Variants in CCBE1 observed in about 807,000 individuals in gnomAD.
CCBE1 encodes collagen and calcium binding EGF domains 1, also known as collagen and calcium-binding EGF domain-containing protein 1.
Under a neutral mutation model 50.0 loss-of-function variants are expected in CCBE1, and 37 were observed. The observed-to-expected ratio is 0.74, with a 90% CI of 0.57 to 0.97. CCBE1 has a LOEUF of 0.97. Among genes scored for constraint, CCBE1 ranks in the 50% least tolerant of loss-of-function variants. The probability of loss-of-function intolerance (pLI) is 0.00; values close to 1 mark genes in which losing one functional copy is unlikely to be tolerated. For missense variants in CCBE1, 538 were observed against 523.8 expected, an observed-to-expected ratio of 1.03 and a Z score of -0.26; for synonymous variants, 234 against 203.7, an observed-to-expected ratio of 1.15 and a Z score of -1.27.
At chr18:59,470,128 T>C (rs1263804404) in intron 3 of CCBE1, among the ~76,000 whole-genome samples, 2 of 152,158 alleles carry the variant, frequency 1.3e-5, no homozygotes, top group African/African-American at 2.4e-5. Context: ...TACCTGAGAC[T>C]GGGTAATTTA....
At chr18:59,637,916 C>A (rs1045814766) in intron 2 of CCBE1, among the ~76,000 whole-genome samples, 1 of 151,994 alleles carries the variant, frequency 6.6e-6, no homozygotes, top group Admixed American at 6.6e-5. Context: ...ATGCAAGCAA[C>A]AAATAATCCT....
chr18:59,659,096 C>T (rs942032722), intron 2 of CCBE1, among the ~76,000 whole-genome samples: 3 of 152,054 alleles, frequency 2.0e-5, no homozygotes, highest in Non-Finnish European at 2.9e-5. Context: ...TTCCTTTGCA[C>T]GACTTCCACA....
chr18:59,530,658 T>C (rs944953036), intron 2 of CCBE1, among the ~76,000 whole-genome samples: 10 of 152,230 alleles, frequency 6.6e-5, no homozygotes, highest in Non-Finnish European at 1.5e-4. Context: ...CATGTGACTA[T>C]GTAAAGATGT....
intron 2 of CCBE1, among the ~76,000 whole-genome samples, chr18:59,570,155 G>T (rs945670729): frequency 6.6e-6 from 1 of 152,202 alleles, no homozygotes; most frequent in African/African-American, 2.4e-5. Context: ...TCCTTTAGGA[G>T]CTTAGGATCT....
chr18:59,647,806 A>T (rs991158873), intron 2 of CCBE1, among the ~76,000 whole-genome samples: 3 of 152,254 alleles, frequency 2.0e-5, no homozygotes, highest in Admixed American at 6.5e-5. Flanking sequence ...TGAATAAATA[A>T]GTACACAAAG....
chr18:59,647,400 G>A (rs1180694505), intron 2 of CCBE1, among the ~76,000 whole-genome samples: 1 of 152,172 alleles, frequency 6.6e-6, no homozygotes, highest in African/African-American at 2.4e-5. Context: ...GGAAGGATAT[G>A]CACTAAAACA....
intron 2 of CCBE1, among the ~76,000 whole-genome samples, chr18:59,573,499 TTG>T (rs2052948609): frequency 6.6e-6 from 1 of 151,630 alleles, no homozygotes; most frequent in Non-Finnish European, 1.5e-5. Context: ...GCACCACCAA[TTG>T]TGTGAGCCAA....
intron 6 of CCBE1, among the ~76,000 whole-genome samples, chr18:59,448,412 T>C (rs1002273351): frequency 4.6e-5 from 7 of 152,164 alleles, no homozygotes; most frequent in Non-Finnish European, 1.0e-4. Flanking sequence ...ATACTCTCAA[T>C]TTTTCAATGA....
rs140446648 is a variant in CCBE1, at chr18:59,580,615, A to C, written c.213-100377T>G. Reference sequence around the variant, plus strand: ...ATCTAGTTCAACATTCTTATCTGTGATATCAGGCAAGGGAGTCCCCAAAAT... The same window carrying C: ...ATCTAGTTCAACATTCTTATCTGTGCTATCAGGCAAGGGAGTCCCCAAAAT... On this transcript the variant is annotated intron_variant, in intron 2 of 10. Coordinates refer to ENST00000439986, the MANE Select transcript of CCBE1 (RefSeq NM_133459.4). 2.0e-3 allele frequency among the ~76,000 whole-genome samples: 301 copies of C among 152,320 alleles called. 4 individuals are homozygous for C. In the East Asian group the frequency reaches 0.031, roughly 15 times the overall value.
intron 2 of CCBE1, among the ~76,000 whole-genome samples, chr18:59,513,036 A>C (rs561464836): frequency 6.6e-6 from 1 of 152,326 alleles, no homozygotes; most frequent in African/African-American, 2.4e-5. Context: ...GAAAGAGCCC[A>C]GGAGCAGTGG....
chr18:59,584,263 C>T (rs2053141488), intron 2 of CCBE1, among the ~76,000 whole-genome samples: 1 of 150,274 alleles, frequency 6.7e-6, no homozygotes, highest in Non-Finnish European at 1.5e-5. Context: ...AAAAACCAAA[C>T]ACCACATGTT....
intron 2 of CCBE1, among the ~76,000 whole-genome samples, chr18:59,510,203 G>A (rs1914070791): frequency 6.6e-6 from 1 of 152,158 alleles, no homozygotes; most frequent in Non-Finnish European, 1.5e-5. Context: ...TTGCTGCTGT[G>A]TGAATGGCAG....
intron 2 of CCBE1, among the ~76,000 whole-genome samples, chr18:59,695,034 G>A (rs370145251): frequency 7.2e-5 from 11 of 152,206 alleles, no homozygotes; most frequent in African/African-American, 2.2e-4. Context: ...ACTGCTTTAA[G>A]AAGTCTGGAA....
intron 2 of CCBE1, among the ~76,000 whole-genome samples, chr18:59,610,968 T>C (rs1299195977): frequency 6.6e-6 from 1 of 152,248 alleles, no homozygotes; most frequent in African/African-American, 2.4e-5. Context: ...CCAAAGCCCA[T>C]GCCCTTTGAA....
chr18:59,514,535 G>A (rs1189813241), intron 2 of CCBE1, among the ~76,000 whole-genome samples: 2 of 151,518 alleles, frequency 1.3e-5, no homozygotes, highest in African/African-American at 4.9e-5. Context: ...TTGGAGCCCT[G>A]TGCGTGTGAG....
chr18:59,475,259 C>A (rs1490727684), intron 3 of CCBE1, among the ~76,000 whole-genome samples: 1 of 152,204 alleles, frequency 6.6e-6, no homozygotes. Flanking sequence ...AAGATTAAAT[C>A]CATTTGGGAT....
At chr18:59,625,855 T>C (rs2053776733) in intron 2 of CCBE1, among the ~76,000 whole-genome samples, 1 of 152,124 alleles carries the variant, frequency 6.6e-6, no homozygotes, top group African/African-American at 2.4e-5. Context: ...GATTAGTAAC[T>C]TGTAAAAGAG....
chr18:59,538,161 C>T (rs1217392669), intron 2 of CCBE1, among the ~76,000 whole-genome samples: 1 of 152,194 alleles, frequency 6.6e-6, no homozygotes, highest in Admixed American at 6.5e-5. Flanking sequence ...ATATTTAACT[C>T]TATTATTGAA....
chr18:59,548,494 A>C (rs1382103508), intron 2 of CCBE1, among the ~76,000 whole-genome samples: 1 of 152,186 alleles, frequency 6.6e-6, no homozygotes, highest in Non-Finnish European at 1.5e-5. Flanking sequence ...GAGCAACTTA[A>C]ATTTCCTGTG....
Sources: allele counts gnomAD v4.1 joint callset (sites outside exome capture counted in the v4.1 genomes callset), GRCh38; gene constraint gnomAD v4.1.1; transcripts MANE v1.5; gene names NCBI Gene and HGNC (gene_info 2026-07-23, HGNC 2026-07-21).